Variants in NTAQ1 observed in about 807,000 individuals in gnomAD.
The protein encoded by NTAQ1 is protein N-terminal glutamine amidohydrolase.
Under a neutral mutation model 28.2 loss-of-function variants are expected in NTAQ1, and 21 were observed. The ratio of observed to expected loss-of-function variants is 0.74; its 90% CI spans 0.53 to 1.07. NTAQ1 has a LOEUF of 1.07. Ranked by LOEUF, NTAQ1 falls within the 50% of genes least tolerant of loss-of-function variation. The pLI, the probability that NTAQ1 is intolerant of heterozygous loss-of-function variation, is 0.00. For synonymous variants in NTAQ1, 105 were observed against 90.0 expected, an observed-to-expected ratio of 1.17 and a Z score of -0.94; for missense variants, 264 against 256.6, an observed-to-expected ratio of 1.03 and a Z score of -0.20.
rs755664914 is a variant in NTAQ1, at chr8:123,441,467, T to A, written c.*52T>A. The A allele has an allele frequency of 7.1e-7, 1 of 1,404,710 alleles. No homozygotes were observed. The highest frequency in any genetic ancestry group is 1.0e-6 in the Non-Finnish European group (1 of 1,002,426). The allele number at this position is 1,404,710 out of a possible 1,614,324, so 87.0% of individuals were successfully genotyped here. Reference sequence around the variant, plus strand: ...GAGAAATTCTAGGACATGAACAAGCTATCCTTTCATCGAGGACAGCAAACA... The same window carrying A: ...GAGAAATTCTAGGACATGAACAAGCAATCCTTTCATCGAGGACAGCAAACA... On this transcript the variant is annotated 3_prime_UTR_variant, in exon 6 of 6. Coordinates refer to ENST00000287387, the MANE Select transcript of NTAQ1 (RefSeq NM_018024.3).
At chr8:123,449,144 G>A (rs78129996), downstream of NTAQ1, among the ~76,000 whole-genome samples, 2,214 of 152,286 alleles carry the variant, frequency 0.015, 19 homozygotes, top group Non-Finnish European at 0.022. Flanking sequence ...CTGATTTTCC[G>A]TAGAACAGTG....
intron 4 of NTAQ1, 95 bp downstream of exon 4, chr8:123,436,696 G>T: frequency 7.3e-7 from 1 of 1,363,556 alleles, no homozygotes; most frequent in East Asian, 2.3e-5. Flanking sequence ...GTTTTGTAAA[G>T]ATCTCGTCTG....
At chr8:123,439,473 G>C (rs913286779) in intron 5 of NTAQ1, among the ~76,000 whole-genome samples, 1 of 151,780 alleles carries the variant, frequency 6.6e-6, no homozygotes, top group African/African-American at 2.4e-5. Flanking sequence ...CTCCTGAGTA[G>C]CTGGGACTAC....
chr8:123,465,125 T>A (rs986760214), intron 6 of NTAQ1, among the ~76,000 whole-genome samples: 1 of 152,148 alleles, frequency 6.6e-6, no homozygotes, highest in Non-Finnish European at 1.5e-5. Context: ...AATTTAAGAC[T>A]CAGAAGAAAT....
At chr8:123,432,598 G>C (rs1014225060) in intron 3 of NTAQ1, among the ~76,000 whole-genome samples, 1 of 151,260 alleles carries the variant, frequency 6.6e-6, no homozygotes, top group Non-Finnish European at 1.5e-5. Flanking sequence ...TCATACCACT[G>C]TACTCCATCC....
chr8:123,419,229 G>T (rs1346897650), intron 1 of NTAQ1, among the ~76,000 whole-genome samples: 1 of 151,790 alleles, frequency 6.6e-6, no homozygotes, highest in Non-Finnish European at 1.5e-5. Context: ...CTCCTGAGTA[G>T]CTGGGACTAC....
At chr8:123,445,825 C>T (rs542177042), downstream of NTAQ1, among the ~76,000 whole-genome samples, 6 of 152,034 alleles carry the variant, frequency 3.9e-5, no homozygotes, top group East Asian at 1.9e-4. Flanking sequence ...AGGCTGGTCT[C>T]GAACTCCTGG....
Position 123,416,869 on chromosome 8 carries a change from C to G in NTAQ1, c.20C>G (p.Ala7Gly), listed in dbSNP as rs1440821037. 6.5e-7 allele frequency: 1 copy of G among 1,530,758 alleles called. No homozygotes were observed. The highest frequency in any genetic ancestry group is 1.4e-5 in the African/African-American group (1 of 70,830). The allele number at this position is 1,530,758 out of a possible 1,614,324, so 94.8% of individuals were successfully genotyped here. ...CCGGCCATGGAAGGTAATGGCCCCG[C>G]TGCTGTCCACTACCAGCCGGCCAGC... MEGNGP[A>G]AVHYQPASPP... Residue 7 changes from alanine (A) to glycine (G), a missense_variant, in exon 1 of 6, where the codon GCT (alanine) becomes GGT (glycine). Ala to Gly is a moderately conservative substitution (Grantham distance 60). Transcript: ENST00000287387.
At chr8:123,454,495 G>T (rs964616461) in intron 6 of NTAQ1, among the ~76,000 whole-genome samples, 1 of 152,114 alleles carries the variant, frequency 6.6e-6, no homozygotes, top group African/African-American at 2.4e-5. Flanking sequence ...AGCCTCCCGA[G>T]TAGCTGGGAT....
At chr8:123,417,798 C>T (rs1371890469) in intron 1 of NTAQ1, among the ~76,000 whole-genome samples, 5 of 151,962 alleles carry the variant, frequency 3.3e-5, no homozygotes, top group Non-Finnish European at 7.4e-5. Context: ...CCATCGATGT[C>T]CAGGAGGTAC....
At chr8:123,469,787 A>G (rs1011948783) in exon 7 of NTAQ1, among the ~76,000 whole-genome samples, 3 of 152,212 alleles carry the variant, frequency 2.0e-5, no homozygotes, top group Non-Finnish European at 4.4e-5. Flanking sequence ...AGCCAAGGCA[A>G]TATAGGTGTG....
chr8:123,432,255 C>G (rs936992476), intron 3 of NTAQ1, among the ~76,000 whole-genome samples: 1 of 152,218 alleles, frequency 6.6e-6, no homozygotes, highest in African/African-American at 2.4e-5. Context: ...AGCCAGACTA[C>G]ATATTGCCAA....
intron 1 of NTAQ1, among the ~76,000 whole-genome samples, chr8:123,423,812 G>A (rs1365588620): frequency 2.0e-5 from 3 of 151,962 alleles, no homozygotes; most frequent in Non-Finnish European, 2.9e-5. Context: ...GCCACATTAT[G>A]TATTCAGCTT....
At chr8:123,427,646 A>T (rs1814145810) in intron 1 of NTAQ1, among the ~76,000 whole-genome samples, 1 of 152,202 alleles carries the variant, frequency 6.6e-6, no homozygotes, top group Non-Finnish European at 1.5e-5. Flanking sequence ...CAAAACTCAT[A>T]GAATATTGAC....
chr8:123,467,062 T>A (rs1231172695), intron 6 of NTAQ1: 2 of 81,782 alleles, frequency 2.4e-5, no homozygotes, highest in Non-Finnish European at 5.6e-5. Context: ...TTCTTTTTCC[T>A]TTTTTTTTTT....
intron 6 of NTAQ1, among the ~76,000 whole-genome samples, chr8:123,453,511 C>T (rs1305090064): frequency 2.0e-5 from 3 of 151,978 alleles, no homozygotes; most frequent in Non-Finnish European, 4.4e-5. Flanking sequence ...TCACTGCAAC[C>T]TCTGCCTCTC....
At chr8:123,461,263 C>G (rs936194708) in intron 6 of NTAQ1, among the ~76,000 whole-genome samples, 9 of 152,132 alleles carry the variant, frequency 5.9e-5, no homozygotes, top group African/African-American at 2.2e-4. Context: ...GCCTTGGTCC[C>G]CAGCTGCCCA....
chr8:123,468,728 G>T (rs1008417738), exon 7 of NTAQ1, among the ~76,000 whole-genome samples: 1 of 152,176 alleles, frequency 6.6e-6, no homozygotes, highest in Admixed American at 6.5e-5. Context: ...ATCAAGGAAT[G>T]GGATTGCTGG....
In NTAQ1 at chr8:123,436,601, G is replaced by A; in HGVS notation, c.383G>A (p.Arg128Lys). 6.2e-7 allele frequency: 1 copy of A among 1,611,720 alleles called. No individual in the cohort carries two copies. The highest frequency in any genetic ancestry group is 8.5e-7 in the Non-Finnish European group (1 of 1,179,314). The change falls in exon 4 of 6, where the codon AGG becomes AAG. Residue 128 changes from arginine to lysine, a missense_variant and splice_region_variant. Arg to Lys is a conservative substitution (Grantham distance 26). Transcript: ENST00000287387. ...SDDDIHPQFRRKFRVIRADSY... is the reference protein window; with the variant it reads ...SDDDIHPQFRKKFRVIRADSY... ...GATGACATTCACCCACAGTTTAGGA[G>A]GTGAGGACATTCAAGATGGATTTAC...
Sources: allele counts gnomAD v4.1 joint callset (sites outside exome capture counted in the v4.1 genomes callset), GRCh38; gene constraint gnomAD v4.1.1; transcripts MANE v1.5; gene names NCBI Gene and HGNC (gene_info 2026-07-23, HGNC 2026-07-21).